The following MAP1B variants were observed in gnomAD, a reference collection of about 807,000 sequenced individuals.
MAP1B encodes microtubule-associated protein 1B.
MAP1B carries 12 observed loss-of-function variants against 176.1 expected under a neutral mutation model. That is an observed-to-expected ratio of 0.07 (90% confidence interval 0.04 to 0.11). MAP1B has a LOEUF of 0.11. MAP1B is among the 10% of genes least tolerant of loss of function. The probability of loss-of-function intolerance (pLI) is 1.00; values close to 1 mark genes in which losing one functional copy is unlikely to be tolerated. For synonymous variants in MAP1B, 1,044 were observed against 1,135.0 expected (o/e 0.92, Z 1.61); for missense variants, 2,523 against 2,990.5 (o/e 0.84, Z 3.65).
At chr5:72,150,998 G>C (rs1746129640) in intron 2 of MAP1B, among the ~76,000 whole-genome samples, 1 of 151,996 alleles carries the variant, frequency 6.6e-6, no homozygotes, top group Non-Finnish European at 1.5e-5. Flanking sequence ...GGTCCATTTT[G>C]TGTTGCTATA....
rs147385224 is a variant in MAP1B at position 72,193,759 on chromosome 5, A to G, written c.511-107A>G. 417 of 1,255,198 alleles carry G rather than the reference A, an allele frequency of 3.3e-4. 2 individuals carry two copies. In the African/African-American group the frequency reaches 5.4e-3, roughly 16 times the overall value. 77.8% of individuals were successfully genotyped at this position (1,255,198 alleles called of 1,614,324 possible). On this transcript the variant is annotated intron_variant, in intron 4 of 6. Transcript: ENST00000296755. Reference sequence around the variant, plus strand: ...AGAGTGCATGTCTGAAACTGGTCCTATGTGCATCCTGTGATCCTGTAACAC... The same window carrying G: ...AGAGTGCATGTCTGAAACTGGTCCTGTGTGCATCCTGTGATCCTGTAACAC...
At chr5:72,179,603 C>T in intron 2 of MAP1B, 1 of 985,478 alleles carries the variant, frequency 1.0e-6, no homozygotes, top group Non-Finnish European at 1.2e-6. Context: ...GGGGGCGCGT[C>T]AGGGCCCCTC....
chr5:72,120,750 C>T (rs984505389), intron 2 of MAP1B, among the ~76,000 whole-genome samples: 4 of 152,134 alleles, frequency 2.6e-5, no homozygotes, highest in Admixed American at 2.6e-4. Context: ...CAATGCAGAT[C>T]AAATGAATTA....
At chr5:72,192,386 T>A (rs529238763) in intron 4 of MAP1B, among the ~76,000 whole-genome samples, 3 of 152,370 alleles carry the variant, frequency 2.0e-5, no homozygotes, top group African/African-American at 7.2e-5. Context: ...TTATCCTTTT[T>A]ACAGAAAATT....
chr5:72,171,136 C>A (rs2112193987), intron 2 of MAP1B, among the ~76,000 whole-genome samples: 1 of 152,136 alleles, frequency 6.6e-6, no homozygotes, highest in East Asian at 1.9e-4. Flanking sequence ...CTTCCCTGCT[C>A]AGAATAAGGA....
Position 72,199,477 on chromosome 5 carries a change from G to C in MAP1B, c.6122G>C (p.Cys2041Ser). ...TTRTPDTSTY[C>S]YETAEKITRT... Reference sequence around the variant, plus strand: ...CGAACCCCTGATACTTCCACATACTGTTACGAGACTGCAGAGAAAATCACT... The same window carrying C: ...CGAACCCCTGATACTTCCACATACTCTTACGAGACTGCAGAGAAAATCACT... Residue 2041 changes from cysteine to serine, a missense_variant, in exon 5 of 7, where the codon TGT (cysteine) becomes TCT (serine). Around this residue, in one of 4 missense-constraint regions of MAP1B, gnomAD observed 1,925 missense variants for 2,126.0 expected, o/e 0.91. Transcript: ENST00000296755. This position sits in a 1 kb window ranked among gnomAD's most constrained non-coding sequence, Gnocchi z 4.2. 7 of 1,614,092 alleles carry C rather than the reference G, an allele frequency of 4.3e-6. No individual in the cohort carries two copies. The highest frequency in any genetic ancestry group is 5.9e-6 in the Non-Finnish European group (7 of 1,180,024).
chr5:72,149,147 T>A (rs1187214887), intron 2 of MAP1B, among the ~76,000 whole-genome samples: 1 of 152,198 alleles, frequency 6.6e-6, no homozygotes, highest in African/African-American at 2.4e-5. Flanking sequence ...TTTAAAAAAA[T>A]TGAATATAGT....
At chr5:72,185,336 G>C (rs2112215466) in intron 3 of MAP1B, among the ~76,000 whole-genome samples, 1 of 152,338 alleles carries the variant, frequency 6.6e-6, no homozygotes, top group South Asian at 2.1e-4. Context: ...TGATGGGATA[G>C]CAATCTCTGT....
In MAP1B at chr5:72,207,958, CTCTCTTTTTTTTTT is replaced by C. The variant is rs1167401490; in HGVS notation, c.*2721_*2734del. 3 of 138,884 alleles carry C rather than the reference CTCTCTTTTTTTTTT, an allele frequency of 2.2e-5. No homozygotes were observed. The highest frequency in any genetic ancestry group is 2.2e-4 in the Admixed American group (3 of 13,924). 8.6% of individuals were successfully genotyped at this position (138,884 alleles called of 1,614,324 possible). A position where few individuals can be genotyped will look rare whatever the true frequency, so the allele number is the denominator to read the frequency against. On this transcript the variant is annotated 3_prime_UTR_variant, in exon 7 of 7. Transcript: ENST00000296755. ...CACCCTCCTCACTTTCTCTCTCTCT[CTCTCTTTTTTTTTT>C]TTTTTTTTTTTGCTATGGGATTTAA...
Position 72,115,095 on chromosome 5 carries a change from G to A in MAP1B, c.185-603G>A, listed in dbSNP as rs182596041. 5.4e-4 allele frequency among the ~76,000 whole-genome samples: 82 copies of A among 152,270 alleles called. 2 individuals are homozygous for A. The East Asian group carries it at 0.012, about 23-fold the overall frequency. The stretch of plus-strand genomic sequence containing the variant: ...AGACAGGCCAAGTCTTGAAGATTGA[G>A]TGGATCCACTCTGTTTATCAAAGAT... On this transcript the variant is annotated intron_variant, in intron 1 of 6. Transcript: ENST00000296755.
chr5:72,169,932 G>C (rs926720883), intron 2 of MAP1B, among the ~76,000 whole-genome samples: 2 of 152,166 alleles, frequency 1.3e-5, no homozygotes, highest in Non-Finnish European at 2.9e-5. Flanking sequence ...GTAAGAAATG[G>C]ATTAGATTTA....
In MAP1B at chr5:72,189,944, C is replaced by T. The variant is rs575606984; in HGVS notation, c.510+3190C>T. 6.6e-5 allele frequency among the ~76,000 whole-genome samples: 10 copies of T among 152,160 alleles called. No individual in the cohort carries two copies. In the South Asian group the frequency reaches 2.1e-3, roughly 32 times the overall value. ...ACATGATGTGACCTAGAGTGAGAAA[C>T]ATTTTAAGAAGAGAAAGGGCCCAGG... On this transcript the variant is annotated intron_variant, in intron 4 of 6. Transcript: ENST00000296755.
At chr5:72,112,063 T>G (rs1979311) in intron 1 of MAP1B, among the ~76,000 whole-genome samples, 114,071 of 152,102 alleles carry the variant, frequency 0.75, 42,922 homozygotes, top group African/African-American at 0.82. Context: ...GTTCATTTAT[T>G]TAGTTTATGA....
Position 72,197,067 on chromosome 5 carries a change from G to A in MAP1B, c.3712G>A (p.Asp1238Asn). 1.2e-6 allele frequency: 2 copies of A among 1,614,148 alleles called. No individual in the cohort carries two copies. Among genetic ancestry groups the A allele is most frequent in the Non-Finnish European group, 1.7e-6 (2 of 1,180,022 alleles). Residue 1238 changes from aspartate (D) to asparagine (N), a missense_variant, in exon 5 of 7, where the codon GAC (aspartate) becomes AAC (asparagine). By Grantham distance (23) the Asp-to-Asn change is conservative (BLOSUM62 1). Coordinates refer to ENST00000296755, the MANE Select transcript of MAP1B (RefSeq NM_005909.5). ...TGAAGTGAAAGCCAGCACCACTTTG[G>A]ACATCAAAGATAGCATCTCAGCTGT... Reference protein sequence around the residue: ...CSEVKASTTLDIKDSISAVSS... With the variant: ...CSEVKASTTLNIKDSISAVSS...
intron 1 of MAP1B, among the ~76,000 whole-genome samples, chr5:72,108,323 G>A (rs1269459137): frequency 6.6e-6 from 1 of 151,918 alleles, no homozygotes; most frequent in Admixed American, 6.5e-5. Context: ...CTGGGATGCA[G>A]AACCGCCTGC....
chr5:72,209,513 TGTAAA>T lies in MAP1B; in HGVS notation c.*4276_*4280del, dbSNP rs1330479585. 1 of 151,674 alleles carries T rather than the reference TGTAAA, an allele frequency of 6.6e-6. No homozygotes were observed. The highest frequency in any genetic ancestry group is 1.5e-5 in the Non-Finnish European group (1 of 67,902). The allele number at this position is 151,674 out of a possible 1,614,324, so 9.4% of individuals were successfully genotyped here. On this transcript the variant is annotated 3_prime_UTR_variant, in exon 7 of 7. Coordinates refer to ENST00000296755, the MANE Select transcript of MAP1B (RefSeq NM_005909.5). ...CCCCTCTTCCATTGAGGATATTTGA[TGTAAA>T]GGAAAAAAAAAAACTCAGTTCCACA...
intron 2 of MAP1B, among the ~76,000 whole-genome samples, chr5:72,161,364 A>G (rs1746322091): frequency 6.6e-6 from 1 of 152,244 alleles, no homozygotes; most frequent in African/African-American, 2.4e-5. Context: ...CATAATAAGC[A>G]GTCAATACAT....
chr5:72,172,018 G>A (rs1041917839), intron 2 of MAP1B, among the ~76,000 whole-genome samples: 2 of 152,194 alleles, frequency 1.3e-5, no homozygotes, highest in Admixed American at 1.3e-4. Flanking sequence ...AAAATCACAG[G>A]TCCCTTGGGT....
chr5:72,124,245 G>A (rs1745584149), intron 2 of MAP1B, among the ~76,000 whole-genome samples: 1 of 152,172 alleles, frequency 6.6e-6, no homozygotes, highest in South Asian at 2.1e-4. Context: ...TGCATGTGAA[G>A]TCAGATTTCC....
Sources: allele counts gnomAD v4.1 joint callset (sites outside exome capture counted in the v4.1 genomes callset), GRCh38; gene constraint gnomAD v4.1.1; regional missense constraint gnomAD v4.1.1; non-coding constraint Gnocchi (gnomAD v3.1); transcripts MANE v1.5; gene names NCBI Gene and HGNC (gene_info 2026-07-23, HGNC 2026-07-21).